Variants in FAM171A1 observed in about 807,000 individuals in gnomAD.
FAM171A1 encodes protein FAM171A1.
A neutral mutation model predicts 74.9 loss-of-function variants in FAM171A1; 23 were observed. That is an observed-to-expected ratio of 0.31 (90% confidence interval 0.22 to 0.44). The LOEUF (loss-of-function observed/expected upper bound fraction) is 0.44. FAM171A1 is among the 20% of genes least tolerant of loss of function. The pLI is 1.00. For synonymous variants in FAM171A1, 527 were observed against 505.7 expected (o/e 1.04, Z -0.57); for missense variants, 1,162 against 1,159.2 (o/e 1.00, Z -0.03).
intron 1 of FAM171A1, among the ~76,000 whole-genome samples, chr10:15,328,185 C>T (rs189933363): frequency 1.8e-4 from 27 of 152,192 alleles, no homozygotes; most frequent in African/African-American, 6.0e-4. Context: ...GCTCTTGTCG[C>T]CCAGGCTGGA....
chr10:15,311,861 G>A (rs1037199461), intron 1 of FAM171A1, among the ~76,000 whole-genome samples: 2 of 152,200 alleles, frequency 1.3e-5, no homozygotes, highest in African/African-American at 4.8e-5. Context: ...TTTGATAACA[G>A]CTCCAAGAAA....
intron 1 of FAM171A1, among the ~76,000 whole-genome samples, chr10:15,342,834 G>A (rs978997899): frequency 3.3e-5 from 5 of 152,208 alleles, no homozygotes; most frequent in African/African-American, 7.2e-5. Flanking sequence ...ATTTTACAAC[G>A]CAGTCAGTGC....
Position 15,239,158 on chromosome 10 carries a change from T to C in FAM171A1, c.754+9481A>G, listed in dbSNP as rs113888506. Among the ~76,000 whole-genome samples, 1,445 of 152,274 alleles carry C rather than the reference T, an allele frequency of 9.5e-3. 21 individuals are homozygous for C. The highest frequency in any genetic ancestry group is 0.033 in the African/African-American group (1,379 of 41,522). The stretch of plus-strand genomic sequence containing the variant: ...CTGTAAAATAGAGCTGACATAATCA[T>C]CTCTTACTGTCCAGAAAGGCTCAGC... On this transcript the variant is annotated intron_variant, in intron 5 of 7. Transcript: ENST00000378116.
In FAM171A1 at chr10:15,248,604, T is replaced by TGGTA. The variant is rs56911656; in HGVS notation, c.754+31_754+34dup. On this transcript the variant is annotated intron_variant, in intron 5 of 7. Transcript: ENST00000378116. The stretch of plus-strand genomic sequence containing the variant: ...AAAACCAAACAGTAACGAAGCCATC[T>TGGTA]GGTAGCCGATTGTCGGCACAGAACT... 2,236 of 1,558,578 alleles carry TGGTA rather than the reference T, an allele frequency of 1.4e-3. 33 individuals carry two copies. In the African/African-American group the frequency reaches 0.027, roughly 19 times the overall value.
At chr10:15,325,654 C>G (rs557824333) in intron 1 of FAM171A1, among the ~76,000 whole-genome samples, 17 of 152,138 alleles carry the variant, frequency 1.1e-4, no homozygotes, top group Non-Finnish European at 2.1e-4. Context: ...ATGGGCCCCA[C>G]GGAGTAGAAT....
intron 2 of FAM171A1, among the ~76,000 whole-genome samples, chr10:15,278,740 G>C (rs920989069): frequency 1.3e-5 from 2 of 152,184 alleles, no homozygotes; most frequent in South Asian, 4.1e-4. Flanking sequence ...TGGTTGCCAG[G>C]GGCTGGGAGG....
At chr10:15,337,850 C>T (rs960210133) in intron 1 of FAM171A1, among the ~76,000 whole-genome samples, 3 of 152,118 alleles carry the variant, frequency 2.0e-5, no homozygotes, top group African/African-American at 7.2e-5. Context: ...ACTAGGGAGG[C>T]TGAGGCAGGA....
chr10:15,234,810 G>A (rs1210013012), intron 5 of FAM171A1, among the ~76,000 whole-genome samples: 1 of 150,836 alleles, frequency 6.6e-6, no homozygotes, highest in South Asian at 2.1e-4. Flanking sequence ...CCACCACCAC[G>A]CCCGGCTAAT....
At chr10:15,232,004 G>T (rs375193867) in intron 5 of FAM171A1, among the ~76,000 whole-genome samples, 2 of 152,116 alleles carry the variant, frequency 1.3e-5, no homozygotes, top group African/African-American at 4.8e-5. Flanking sequence ...GAGGCAGGAG[G>T]TTTGCTTGAG....
intron 5 of FAM171A1, chr10:15,241,602 C>G (rs1834365343): frequency 6.6e-6 from 1 of 152,264 alleles, no homozygotes; most frequent in Admixed American, 6.5e-5. Flanking sequence ...TCATTTCCCC[C>G]ATATTTATTG....
chr10:15,251,120 T>C (rs1834501571), intron 4 of FAM171A1, among the ~76,000 whole-genome samples: 1 of 152,184 alleles, frequency 6.6e-6, no homozygotes, highest in Non-Finnish European at 1.5e-5. Context: ...GAGGGTAGAC[T>C]AGATGCCTTC....
At chr10:15,274,843 G>T (rs1834872767) in intron 3 of FAM171A1, among the ~76,000 whole-genome samples, 1 of 152,088 alleles carries the variant, frequency 6.6e-6, no homozygotes, top group Non-Finnish European at 1.5e-5. Flanking sequence ...CAAAGACTTG[G>T]AACCAACCCA....
In FAM171A1 at chr10:15,284,000, G is replaced by A. The variant is rs370350630; in HGVS notation, c.203C>T (p.Ser68Leu). Reference sequence around the variant, plus strand: ...GATAAAGGCGACGCCATCAGTCCCCGAGGTGCCAGAGGCTATGGAGGCCTG... The same window carrying A: ...GATAAAGGCGACGCCATCAGTCCCCAAGGTGCCAGAGGCTATGGAGGCCTG... ...TNQASIASGT[S>L]GTDGVAFIKF... is the part of the protein sequence containing the mutation. Residue 68 changes from serine to leucine, a missense_variant, in exon 2 of 8, where the codon TCG becomes TTG. Transcript: ENST00000378116. 1.1e-5 allele frequency: 18 copies of A among 1,614,046 alleles called. No homozygotes were observed. Among genetic ancestry groups the A allele is most frequent in the African/African-American group, 1.1e-4 (8 of 74,926 alleles).
chr10:15,336,336 C>T (rs1323320450), intron 1 of FAM171A1, among the ~76,000 whole-genome samples: 1 of 150,228 alleles, frequency 6.7e-6, no homozygotes, highest in Non-Finnish European at 1.5e-5. Flanking sequence ...TTTAAAAGGA[C>T]CAAATAGGGC....
At chr10:15,281,096 T>A (rs2352779) in intron 2 of FAM171A1, among the ~76,000 whole-genome samples, 38,978 of 152,092 alleles carry the variant, frequency 0.26, 5,263 homozygotes, top group Admixed American at 0.39. Flanking sequence ...GAGACCTGGT[T>A]GTTTCAAGGT....
chr10:15,219,251 C>T (rs994794049), intron 6 of FAM171A1, among the ~76,000 whole-genome samples: 1 of 152,116 alleles, frequency 6.6e-6, no homozygotes, highest in Non-Finnish European at 1.5e-5. Flanking sequence ...CATGGTACTC[C>T]AGCCTGGGCA....
At chr10:15,263,754 T>TCTAC (rs1289663397) in intron 3 of FAM171A1, among the ~76,000 whole-genome samples, 2 of 149,350 alleles carry the variant, frequency 1.3e-5, no homozygotes, top group African/African-American at 2.5e-5. Flanking sequence ...TATCTATCTA[T>TCTAC]CTATCTATCT....
chr10:15,320,693 T>G (rs1835476890), intron 1 of FAM171A1, among the ~76,000 whole-genome samples: 2 of 152,216 alleles, frequency 1.3e-5, no homozygotes, highest in Admixed American at 1.3e-4. Context: ...CATTGTGGTT[T>G]TGATCTGCAT....
intron 1 of FAM171A1, among the ~76,000 whole-genome samples, chr10:15,335,694 C>T (rs1835692178): frequency 6.6e-6 from 1 of 152,190 alleles, no homozygotes. Flanking sequence ...TCTTCATTTT[C>T]AGGCTAGACT....
Sources: allele counts gnomAD v4.1 joint callset (sites outside exome capture counted in the v4.1 genomes callset), GRCh38; gene constraint gnomAD v4.1.1; transcripts MANE v1.5; gene names NCBI Gene and HGNC (gene_info 2026-07-23, HGNC 2026-07-21).